SPAG16: variants seen among roughly 807,000 people sequenced by gnomAD.
The protein encoded by SPAG16 is sperm-associated antigen 16 protein.
SPAG16 carries 86 observed loss-of-function variants against 80.4 expected under a neutral mutation model. The observed-to-expected ratio is 1.07, with a 90% confidence interval of 0.90 to 1.28. SPAG16 has a LOEUF of 1.28. Ranked by LOEUF, SPAG16 falls within the 50% of genes most tolerant of loss-of-function variation. The pLI is 0.00. For synonymous variants in SPAG16, 294 were observed against 265.9 expected (o/e 1.11, Z -1.03); for missense variants, 870 against 765.3 (o/e 1.14, Z -1.61).
intron 9 of SPAG16, among the ~76,000 whole-genome samples, chr2:213,488,934 G>A (rs1035002920): frequency 8.6e-5 from 13 of 151,742 alleles, no homozygotes; most frequent in African/African-American, 2.7e-4. Flanking sequence ...AATTACCCGG[G>A]CGTGGTGGCA....
intron 10 of SPAG16, among the ~76,000 whole-genome samples, chr2:213,517,541 A>G (rs1463815462): frequency 1.3e-5 from 2 of 152,210 alleles, no homozygotes; most frequent in African/African-American, 4.8e-5. Flanking sequence ...AACACTTCAT[A>G]CTACCCAATT....
intron 10 of SPAG16, among the ~76,000 whole-genome samples, chr2:213,636,528 T>TTGATG (rs2062370581): frequency 6.6e-6 from 1 of 152,246 alleles, no homozygotes; most frequent in South Asian, 2.1e-4. Flanking sequence ...GCATTGAATT[T>TTGATG]GTAGATTGCT....
intron 9 of SPAG16, among the ~76,000 whole-genome samples, chr2:213,377,879 GTGTATATA>G (rs148414856): frequency 1.2e-4 from 17 of 142,478 alleles, no homozygotes; most frequent in Admixed American, 2.1e-4. Context: ...CTAATAGGAT[GTGTATATA>G]TATATATATA....
At chr2:213,957,274 C>T (rs779169359) in intron 12 of SPAG16, among the ~76,000 whole-genome samples, 28 of 152,060 alleles carry the variant, frequency 1.8e-4, no homozygotes, top group Non-Finnish European at 2.9e-4. Context: ...TTAGTTTTTG[C>T]TGGTCAGACC....
At chr2:213,623,029 C>T (rs1314477061) in intron 10 of SPAG16, among the ~76,000 whole-genome samples, 1 of 152,100 alleles carries the variant, frequency 6.6e-6, no homozygotes, top group Non-Finnish European at 1.5e-5. Context: ...TTTATTCTTT[C>T]CATTTTGAAA....
chr2:214,221,530 A>G (rs1423213538), intron 15 of SPAG16, among the ~76,000 whole-genome samples: 2 of 152,200 alleles, frequency 1.3e-5, no homozygotes, highest in Non-Finnish European at 2.9e-5. Flanking sequence ...ACTGAATGTC[A>G]TAGATATTAG....
chr2:213,634,961 C>CAT (rs928815026), intron 10 of SPAG16, among the ~76,000 whole-genome samples: 52 of 151,426 alleles, frequency 3.4e-4, no homozygotes, highest in Admixed American at 2.6e-3. Context: ...TTCCATGGTA[C>CAT]ATATATATAT....
chr2:214,147,413 A>G (rs2055705649), intron 14 of SPAG16, among the ~76,000 whole-genome samples: 1 of 152,194 alleles, frequency 6.6e-6, no homozygotes, highest in Admixed American at 6.5e-5. Flanking sequence ...TAGACTCCAG[A>G]CAATGAAAGA....
intron 9 of SPAG16, among the ~76,000 whole-genome samples, chr2:213,488,899 A>C (rs1575726696): frequency 1.3e-5 from 2 of 151,864 alleles, no homozygotes; most frequent in South Asian, 4.2e-4. Flanking sequence ...CAATATGGTG[A>C]AAACCGTCTA....
rs574213503 is a variant in SPAG16, at chr2:213,851,191, T to A, written c.1071-11294T>A. Among the ~76,000 whole-genome samples, 6 of 152,316 alleles carry A rather than the reference T, an allele frequency of 3.9e-5. No individual in the cohort carries two copies. In the East Asian group the frequency reaches 1.2e-3, roughly 29 times the overall value. On this transcript the variant is annotated intron_variant, in intron 10 of 15. Coordinates refer to ENST00000331683, the MANE Select transcript of SPAG16 (RefSeq NM_024532.5). ...GAGAAAGACCAAAGAATTGATACGA[T>A]GTTTAAAAAGATTTGGGTTGAATCT...
At chr2:213,519,762 C>T (rs902069929) in intron 10 of SPAG16, among the ~76,000 whole-genome samples, 33 of 148,290 alleles carry the variant, frequency 2.2e-4, no homozygotes, top group African/African-American at 8.1e-4. Flanking sequence ...CTGTAGCAAT[C>T]ATACAAAAAA....
intron 10 of SPAG16, among the ~76,000 whole-genome samples, chr2:213,660,698 C>T (rs2063393949): frequency 6.6e-6 from 1 of 152,154 alleles, no homozygotes. Flanking sequence ...TGCATCTAGA[C>T]TTGCTGGCTC....
chr2:213,390,157 C>T (rs780930753), intron 9 of SPAG16, among the ~76,000 whole-genome samples: 6 of 152,018 alleles, frequency 3.9e-5, no homozygotes, highest in Admixed American at 1.3e-4. Flanking sequence ...TATATGATTC[C>T]GTGTATATGA....
At chr2:214,386,688 C>G (rs898863676) in intron 15 of SPAG16, among the ~76,000 whole-genome samples, 3 of 151,836 alleles carry the variant, frequency 2.0e-5, no homozygotes, top group Admixed American at 1.3e-4. Context: ...ATGGAGAAAC[C>G]CCATCCCTAC....
At chr2:213,434,411 A>C (rs1056219040) in intron 9 of SPAG16, among the ~76,000 whole-genome samples, 1 of 152,220 alleles carries the variant, frequency 6.6e-6, no homozygotes, top group African/African-American at 2.4e-5. Context: ...TGATTTACGC[A>C]AGGAATTTAT....
At chr2:213,787,118 G>T (rs2070389746) in intron 10 of SPAG16, among the ~76,000 whole-genome samples, 1 of 152,044 alleles carries the variant, frequency 6.6e-6, no homozygotes, top group Non-Finnish European at 1.5e-5. Flanking sequence ...TGTATGCTGG[G>T]CTTAATACTG....
At chr2:213,366,673 A>T (rs190489772) in intron 8 of SPAG16, among the ~76,000 whole-genome samples, 183 of 152,288 alleles carry the variant, frequency 1.2e-3, no homozygotes, top group African/African-American at 4.2e-3. Context: ...CATGGGGATT[A>T]TGGGAGCTAC....
chr2:213,705,772 A>G (rs1389566169), intron 10 of SPAG16, among the ~76,000 whole-genome samples: 1 of 120,106 alleles, frequency 8.3e-6, no homozygotes, highest in Non-Finnish European at 1.7e-5. Context: ...AGGAGAGCCA[A>G]TCATGGTGGA....
In SPAG16 at chr2:213,745,622, A is replaced by G. The variant is rs186874590; in HGVS notation, c.1071-116863A>G. Among the ~76,000 whole-genome samples, 88 of 152,346 alleles carry G rather than the reference A, an allele frequency of 5.8e-4. 2 individuals are homozygous for G. In the East Asian group the frequency reaches 0.014, roughly 25 times the overall value. ...TTCATACTTTTAAGAAAAATAGTATATCTGCATTTTCCAAAATTGTTATAT... is the reference window on the plus strand; with the variant it reads ...TTCATACTTTTAAGAAAAATAGTATGTCTGCATTTTCCAAAATTGTTATAT... On this transcript the variant is annotated intron_variant, in intron 10 of 15. Coordinates refer to ENST00000331683, the MANE Select transcript of SPAG16 (RefSeq NM_024532.5).
Sources: gnomAD v4.1 joint callset for allele counts (sites outside exome capture counted in the v4.1 genomes callset) on GRCh38, gnomAD v4.1.1 for gene constraint, MANE v1.5 for transcripts, NCBI Gene and HGNC (gene_info 2026-07-23, HGNC 2026-07-21) for gene names.